The following MRAP2 variants were observed in gnomAD, a reference collection of about 807,000 sequenced individuals.
The protein encoded by MRAP2 is melanocortin 2 receptor accessory protein 2.
Under a neutral mutation model 17.4 loss-of-function variants are expected in MRAP2, and 20 were observed. That is an observed-to-expected ratio of 1.15 (90% CI 0.81 to 1.67). The LOEUF is 1.67. Among genes scored for constraint, MRAP2 ranks in the 40% most tolerant of loss-of-function variants. The probability of loss-of-function intolerance (pLI) is 0.00; values close to 1 mark genes in which losing one functional copy is unlikely to be tolerated. For synonymous variants in MRAP2, 96 were observed against 88.4 expected (o/e 1.09, Z -0.48); for missense variants, 238 against 240.0 (o/e 0.99, Z 0.05).
At chr6:84,094,601 G>A (rs183263519), downstream of MRAP2, among the ~76,000 whole-genome samples, 76 of 152,218 alleles carry the variant, frequency 5.0e-4, no homozygotes, top group African/African-American at 1.8e-3. Context: ...CCAATAACAT[G>A]TTCCTCATTT....
At chr6:84,078,519 C>T (rs1419364984) in intron 3 of MRAP2, among the ~76,000 whole-genome samples, 1 of 152,160 alleles carries the variant, frequency 6.6e-6, no homozygotes, top group Non-Finnish European at 1.5e-5. Flanking sequence ...GCTTGGATAG[C>T]TTGTTTGCCC....
At chr6:84,037,092 A>G (rs1327591275) in intron 1 of MRAP2, among the ~76,000 whole-genome samples, 1 of 151,854 alleles carries the variant, frequency 6.6e-6, no homozygotes, top group Non-Finnish European at 1.5e-5. Context: ...TAGACATAAA[A>G]GTTCTCTAAG....
the MRAP2 span, among the ~76,000 whole-genome samples, chr6:84,144,239 CAAAT>C: frequency 6.6e-6 from 1 of 151,852 alleles, no homozygotes; most frequent in South Asian, 2.1e-4. Flanking sequence ...GAATCATTGT[CAAAT>C]AAAGACAATG....
At chr6:84,058,121 G>C (rs1023150705) in intron 2 of MRAP2, among the ~76,000 whole-genome samples, 4 of 152,202 alleles carry the variant, frequency 2.6e-5, no homozygotes, top group Non-Finnish European at 5.9e-5. Context: ...ACTCTGAGAA[G>C]TCACTGGAGG....
At chr6:84,072,246 T>C (rs985053191) in intron 3 of MRAP2, among the ~76,000 whole-genome samples, 5 of 152,220 alleles carry the variant, frequency 3.3e-5, no homozygotes, top group East Asian at 1.9e-4. Flanking sequence ...GTTATTCATA[T>C]ACTTTTGTCC....
Position 84,089,713 on chromosome 6 carries a change from A to C in MRAP2, c.*232A>C. 2.0e-6 allele frequency: 1 copy of C among 496,812 alleles called. No individual in the cohort carries two copies. The highest frequency in any genetic ancestry group is 3.5e-6 in the Non-Finnish European group (1 of 285,510). The allele number at this position is 496,812 out of a possible 1,614,324, so 30.8% of individuals were successfully genotyped here. ...ACATTTGGAGCTTTGGGAGTATTAA[A>C]GTATTTACACCAAGCTTGTCCAACC... On this transcript the variant is annotated 3_prime_UTR_variant, in exon 4 of 4. Transcript: ENST00000257776.
chr6:84,055,076 A>G (rs2099491352), intron 1 of MRAP2, among the ~76,000 whole-genome samples: 1 of 152,236 alleles, frequency 6.6e-6, no homozygotes, highest in African/African-American at 2.4e-5. Context: ...GTTCAAAAAA[A>G]TATACAGTGT....
In MRAP2 at chr6:84,089,265, G is replaced by C; in HGVS notation, c.402G>C (p.Gln134His). The change falls in exon 4 of 4, where the codon CAG (glutamine) becomes CAC (histidine). Residue 134 changes from glutamine to histidine, a missense_variant. Transcript: ENST00000257776. ...ERLDRAKACH[Q>H]TTALDSDVQL... is the part of the protein sequence containing the mutation. The stretch of plus-strand genomic sequence containing the variant: ...TGGACAGAGCCAAAGCTTGTCACCA[G>C]ACCACAGCCCTTGACAGTGACGTCC... 6.2e-7 allele frequency: 1 copy of C among 1,614,150 alleles called. No individual in the cohort carries two copies. The highest frequency in any genetic ancestry group is 8.5e-7 in the Non-Finnish European group (1 of 1,180,032).
At chr6:84,132,455 T>A in the MRAP2 span, among the ~76,000 whole-genome samples, 1 of 152,232 alleles carries the variant, frequency 6.6e-6, no homozygotes, top group Non-Finnish European at 1.5e-5. Flanking sequence ...CTTGGTTCCA[T>A]TCTCCCCGTC....
At chr6:84,074,158 G>C (rs1312943898) in intron 3 of MRAP2, among the ~76,000 whole-genome samples, 2 of 152,098 alleles carry the variant, frequency 1.3e-5, no homozygotes, top group Non-Finnish European at 2.9e-5. Flanking sequence ...GGGATACCCA[G>C]ACCCTAAGCG....
At chr6:84,087,383 A>C (rs746440063) in intron 3 of MRAP2, among the ~76,000 whole-genome samples, 2 of 152,194 alleles carry the variant, frequency 1.3e-5, no homozygotes, top group Non-Finnish European at 2.9e-5. Flanking sequence ...CAGAGGGGTG[A>C]CTTTGAATAG....
chr6:84,145,101 A>G, the MRAP2 span, among the ~76,000 whole-genome samples: 10 of 152,262 alleles, frequency 6.6e-5, no homozygotes, highest in South Asian at 1.4e-3. Context: ...TGACGCCAAT[A>G]AAGTCCCTTG....
chr6:84,064,448 A>G (rs1401978663), intron 3 of MRAP2, among the ~76,000 whole-genome samples: 1 of 152,048 alleles, frequency 6.6e-6, no homozygotes, highest in African/African-American at 2.4e-5. Context: ...GAGAGTGAAT[A>G]TAAGTTTCAC....
chr6:84,137,559 G>C, the MRAP2 span, among the ~76,000 whole-genome samples: 15 of 151,648 alleles, frequency 9.9e-5, no homozygotes, highest in Non-Finnish European at 2.1e-4. Context: ...CCCCACAAAT[G>C]AAAAAATCTG....
chr6:84,045,182 G>T (rs761547081), intron 1 of MRAP2: 17 of 984,716 alleles, frequency 1.7e-5, no homozygotes, highest in Admixed American at 6.2e-5. Flanking sequence ...AGCCCCCACA[G>T]ATGCTAAGGA....
chr6:84,033,910 A>G lies in MRAP2; in HGVS notation c.-8+27A>G, dbSNP rs556495164. 9.1e-6 allele frequency: 9 copies of G among 985,830 alleles called. No homozygotes were observed. In the East Asian group the frequency reaches 9.1e-4, roughly 100 times the overall value. The allele number at this position is 985,830 out of a possible 1,614,324, so 61.1% of individuals were successfully genotyped here. A position where few individuals can be genotyped will look rare whatever the true frequency, so the allele number is the denominator to read the frequency against. On this transcript the variant is annotated intron_variant, in intron 1 of 3. Transcript: ENST00000257776. ...TAACCACGGGCGGGACAGGGCGCCCAGGGCGGAGCAAAGCCCGGGCGCTGG... is the reference window on the plus strand; with the variant it reads ...TAACCACGGGCGGGACAGGGCGCCCGGGGCGGAGCAAAGCCCGGGCGCTGG...
rs779956674 is a variant in MRAP2, at chr6:84,089,320, C to T, written c.457C>T (p.Gln153Ter). 2 of 1,614,208 alleles carry T rather than the reference C, an allele frequency of 1.2e-6. No homozygotes were observed. Among genetic ancestry groups the T allele is most frequent in the South Asian group, 1.1e-5 (1 of 91,084 alleles). Residue 153 changes from glutamine (Q) to a stop codon, truncating the protein, a stop_gained, in exon 4 of 4, where the codon CAG (glutamine) becomes TAG (stop). Coordinates refer to ENST00000257776, the MANE Select transcript of MRAP2 (RefSeq NM_138409.4). LOFTEE classifies it high-confidence loss of function. ...CCAGGAAGCCATCAGAAGCAGTGGG[C>T]AGCCAGAGGAGGAGCTGAACAGGCT... is the stretch of plus-strand genomic sequence containing the variant. Reference protein sequence around the residue: ...QLQEAIRSSGQPEEELNRLMK... With the variant: ...QLQEAIRSSG
intron 3 of MRAP2, among the ~76,000 whole-genome samples, chr6:84,070,706 C>T (rs1027445493): frequency 3.3e-5 from 5 of 152,234 alleles, no homozygotes. Flanking sequence ...AAGTCCCCCA[C>T]TTAGTTCTAT....
chr6:84,126,290 A>AT, the MRAP2 span: 1 of 942,944 alleles, frequency 1.1e-6, no homozygotes, highest in South Asian at 3.0e-5. Flanking sequence ...TTAAGTGGTA[A>AT]TTTTTGCTAG....
Sources: allele counts gnomAD v4.1 joint callset (sites outside exome capture counted in the v4.1 genomes callset), GRCh38; gene constraint gnomAD v4.1.1; transcripts MANE v1.5; gene names NCBI Gene and HGNC (gene_info 2026-07-23, HGNC 2026-07-21).